Variants in TROAP observed in about 807,000 individuals in gnomAD.
The protein encoded by TROAP is trophinin associated protein.
TROAP carries 62 observed loss-of-function variants against 83.4 expected under a neutral mutation model. The observed-to-expected ratio is 0.74, with a 90% CI of 0.61 to 0.92. The LOEUF (loss-of-function observed/expected upper bound fraction) is 0.92, where lower values mean the gene tolerates loss of function less well. Ranked by LOEUF, TROAP falls within the 40% of genes least tolerant of loss-of-function variation. TROAP has a pLI of 0.00. For missense variants in TROAP, 876 were observed against 985.1 expected (o/e 0.89, Z 1.48); for synonymous variants, 352 against 386.4 (o/e 0.91, Z 1.04).
intron 13 of TROAP, 115 bp downstream of exon 13, chr12:49,331,058 G>C: frequency 6.5e-7 from 1 of 1,535,936 alleles, no homozygotes; most frequent in Non-Finnish European, 8.9e-7. Context: ...CTTCCACCCT[G>C]GCCCAGCCTG....
Position 49,324,044 on chromosome 12 carries a change from G to C in TROAP, c.337+7G>C, listed in dbSNP as rs1275940019. ...GGGCCCCCTGCCCAGACAGGTACCT[G>C]TTGGAGCCATGGTAACACGGCCTCC... On this transcript the variant is annotated splice_region_variant and intron_variant, in intron 3 of 14. Transcript: ENST00000257909. 1.2e-6 allele frequency: 2 copies of C among 1,612,360 alleles called. No individual in the cohort carries two copies. The highest frequency in any genetic ancestry group is 2.2e-5 in the East Asian group (1 of 44,862).
At chr12:49,327,469 C>G in intron 8 of TROAP, 139 bp downstream of exon 8, 1 of 1,104,476 alleles carries the variant, frequency 9.1e-7, no homozygotes, top group Non-Finnish European at 1.3e-6. Flanking sequence ...GTAGGTTTAC[C>G]CCAGATGCAC....
chr12:49,329,263 A>G lies in TROAP; in HGVS notation c.1104+19A>G. 9 of 1,613,972 alleles carry G rather than the reference A, an allele frequency of 5.6e-6. No individual in the cohort carries two copies. Among genetic ancestry groups the G allele is most frequent in the Non-Finnish European group, 7.6e-6 (9 of 1,179,922 alleles). On this transcript the variant is annotated intron_variant, in intron 10 of 14. Coordinates refer to ENST00000257909, the MANE Select transcript of TROAP (RefSeq NM_005480.4). The surrounding 1 kb of genome is among the most constrained non-coding windows in gnomAD (Gnocchi z 4.5). ...TCAGCAGGTAAGAGAGGGCATGGAG[A>G]GGTGGCTGGCATAAGTCACAGCTAG...
In TROAP at chr12:49,323,666, A is replaced by G. The variant is rs372584414; in HGVS notation, c.58A>G (p.Ser20Gly). 4 of 1,614,002 alleles carry G rather than the reference A, an allele frequency of 2.5e-6. No individual in the cohort carries two copies. The highest frequency in any genetic ancestry group is 3.4e-6 in the Non-Finnish European group (4 of 1,180,034). Residue 20 changes from serine to glycine, a missense_variant, in exon 2 of 15, where the codon AGC (serine) becomes GGC (glycine). Transcript: ENST00000257909. ...PLLRGVSPTP[S>G]KIPVRSQKRT... ...CCTCCGGGGTGTATCTCCTACCCCT[A>G]GCAAGATTCCGGTACGCTCTCAGAA...
intron 3 of TROAP, chr12:49,324,380 T>C: frequency 2.0e-6 from 1 of 511,858 alleles, no homozygotes; most frequent in Non-Finnish European, 3.4e-6. Flanking sequence ...AAATATCACT[T>C]CTTCTGAAGC....
At chr12:49,326,012 GTGAGGCC>G in intron 5 of TROAP, 57 bp from the exon 6 acceptor site, 1 of 1,607,404 alleles carries the variant, frequency 6.2e-7, no homozygotes, top group African/African-American at 1.3e-5. Flanking sequence ...GGGGTTGGTG[GTGAGGCC>G]TGAGGGTTTG....
chr12:49,328,454 C>CT (rs1243172333), intron 8 of TROAP, among the ~76,000 whole-genome samples: 2 of 152,006 alleles, frequency 1.3e-5, no homozygotes, highest in African/African-American at 2.4e-5. Context: ...AACTCCTGAC[C>CT]TCAGGTGCTC....
Position 49,329,658 on chromosome 12 carries a change from T to C in TROAP, c.1165-199T>C. The C allele has an allele frequency of 1.0e-6, 1 of 1,005,016 alleles. No homozygotes were observed. Among genetic ancestry groups the C allele is most frequent in the Non-Finnish European group, 1.5e-6 (1 of 679,388 alleles). 62.3% of individuals were successfully genotyped at this position (1,005,016 alleles called of 1,614,324 possible). ...CTGGGCAACATAGTGAGACCCTGTC[T>C]CCACTAAAATTTTAAAAATTAGAAA... is the stretch of plus-strand genomic sequence containing the variant. On this transcript the variant is annotated intron_variant, in intron 11 of 14. Transcript: ENST00000257909. This position sits in a 1 kb window ranked among gnomAD's most constrained non-coding sequence, Gnocchi z 4.5.
chr12:49,331,098 C>A, intron 13 of TROAP, 116 bp from the exon 14 acceptor site: 1 of 1,525,156 alleles, frequency 6.6e-7, no homozygotes, highest in African/African-American at 1.4e-5. Flanking sequence ...GGAGGGGCTG[C>A]ACTTCCAGCC....
chr12:49,323,520 C>T, intron 1 of TROAP, 84 bp from the exon 2 acceptor site: 1 of 1,540,774 alleles, frequency 6.5e-7, no homozygotes, highest in African/African-American at 1.4e-5. Context: ...GCGGAGGTAT[C>T]AGGGATGGCA....
chr12:49,326,640 T>G, intron 6 of TROAP, 28 bp from the exon 7 acceptor site: 1 of 1,551,060 alleles, frequency 6.4e-7, no homozygotes, highest in South Asian at 1.2e-5. Context: ...ATTCAGTGAC[T>G]GCTGGCTAAT....
In TROAP at chr12:49,323,839, C is replaced by A. The variant is rs1460069988; in HGVS notation, c.145-6C>A. The A allele has an allele frequency of 4.3e-6, 7 of 1,613,994 alleles. No homozygotes were observed. Among genetic ancestry groups the A allele is most frequent in the Non-Finnish European group, 5.9e-6 (7 of 1,180,000 alleles). Reference sequence around the variant, plus strand: ...CTCACCTTTTTGTCCCCGCTCCCTCCCCTAGAGATGGGTGCAGAAACCACC... The same window carrying A: ...CTCACCTTTTTGTCCCCGCTCCCTCACCTAGAGATGGGTGCAGAAACCACC... On this transcript the variant is annotated splice_polypyrimidine_tract_variant and splice_region_variant and intron_variant, in intron 2 of 14. Transcript: ENST00000257909.
At chr12:49,328,504 T>C (rs1322887214) in intron 8 of TROAP, among the ~76,000 whole-genome samples, 2 of 152,022 alleles carry the variant, frequency 1.3e-5, no homozygotes, top group African/African-American at 4.8e-5. Context: ...ATTACAGGCC[T>C]GAGCCACCAT....
chr12:49,330,098 T>G, intron 12 of TROAP, 47 bp from the exon 13 acceptor site: 1 of 1,606,810 alleles, frequency 6.2e-7, no homozygotes, highest in Non-Finnish European at 8.5e-7. Flanking sequence ...GGTAGACTAC[T>G]GAACGCACAT....
chr12:49,324,909 C>CTTTTTTTTTTTTTTTTTT (rs891098022), intron 3 of TROAP, among the ~76,000 whole-genome samples: 1 of 112,552 alleles, frequency 8.9e-6, no homozygotes. Context: ...TGTTTTCTTT[C>CTTTTTTTTTTTTTTTTTT]TTTTTTTTTT....
Position 49,329,974 on chromosome 12 carries a change from C to G in TROAP, c.1282C>G (p.Gln428Glu), listed in dbSNP as rs756474470. The G allele has an allele frequency of 1.1e-5, 18 of 1,614,108 alleles. No homozygotes were observed. The Middle Eastern group carries it at 5.0e-4, about 44-fold the overall frequency. ...CCACTCTAACAGAACCCCCAGCCTC[C>G]AGGAGGTGAAGATTCAAGTGAGTCT... ...GPHSNRTPSL[Q>E]EVKIQRIGIL... The change falls in exon 12 of 15, where the codon CAG becomes GAG. Residue 428 changes from glutamine (Q) to glutamate (E), a missense_variant. Around this residue, in one of 3 missense-constraint regions of TROAP, gnomAD observed 689 missense variants for 722.6 expected, o/e 0.95. Transcript: ENST00000257909. This position sits in a 1 kb window ranked among gnomAD's most constrained non-coding sequence, Gnocchi z 4.5.
chr12:49,323,347 A>C lies in TROAP; in HGVS notation c.-8A>C. 1 of 431,516 alleles carries C rather than the reference A, an allele frequency of 2.3e-6. No individual in the cohort carries two copies. The highest frequency in any genetic ancestry group is 4.1e-6 in the Non-Finnish European group (1 of 241,560). The allele number at this position is 431,516 out of a possible 1,614,324, so 26.7% of individuals were successfully genotyped here. A position where few individuals can be genotyped will look rare whatever the true frequency, so the allele number is the denominator to read the frequency against. ...TGGGTAGGCCCTGAGGGGCCTCGGTAAGGTAAGGCACGGGGGTCTTGAAGG... is the reference window on the plus strand; with the variant it reads ...TGGGTAGGCCCTGAGGGGCCTCGGTCAGGTAAGGCACGGGGGTCTTGAAGG... On this transcript the variant is annotated splice_region_variant and 5_prime_UTR_variant, in exon 1 of 15. Coordinates refer to ENST00000257909, the MANE Select transcript of TROAP (RefSeq NM_005480.4).
rs1450245314 is a variant in TROAP at position 49,329,454 on chromosome 12, GGTAA to G, written c.1164+4_1164+7del. ...GCTCTGAAGATCCTGCCCTGCCCTG[GGTAA>G]GTATCAGAAGCTTCCCCCTACTGAG... On this transcript the variant is annotated splice_donor_variant and splice_donor_region_variant and intron_variant, in intron 11 of 14. Coordinates refer to ENST00000257909, the MANE Select transcript of TROAP (RefSeq NM_005480.4). LOFTEE classifies it high-confidence loss of function. The surrounding 1 kb of genome is among the most constrained non-coding windows in gnomAD (Gnocchi z 4.5). 5 of 1,608,328 alleles carry G rather than the reference GGTAA, an allele frequency of 3.1e-6. No individual in the cohort carries two copies. In the South Asian group the frequency reaches 4.4e-5, roughly 14 times the overall value.
chr12:49,325,857 A>G lies in TROAP; in HGVS notation c.606A>G (p.Thr202=). The change falls in exon 5 of 15, where the codon ACA becomes ACG. Residue 202 remains threonine, a synonymous_variant. Transcript: ENST00000257909. ...AGGGACCAGGACCTCGAGGCCGGAC[A>G]TTGTGCCCCCAGAGGCTACAGGCTC... ...RLEGPGPRGR[T]LCPQRLQALI... The G allele has an allele frequency of 3.7e-6, 6 of 1,613,780 alleles. No individual in the cohort carries two copies. The South Asian group carries it at 4.4e-5, about 12-fold the overall frequency.
Sources: allele counts gnomAD v4.1 joint callset (sites outside exome capture counted in the v4.1 genomes callset), GRCh38; gene constraint gnomAD v4.1.1; regional missense constraint gnomAD v4.1.1; non-coding constraint Gnocchi (gnomAD v3.1); transcripts MANE v1.5; gene names NCBI Gene and HGNC (gene_info 2026-07-23, HGNC 2026-07-21).